The following CMIP variants were observed in gnomAD, a reference collection of about 807,000 sequenced individuals.
CMIP encodes c-Maf inducing protein.
CMIP carries 13 observed loss-of-function variants against 97.3 expected under a neutral mutation model. The ratio of observed to expected loss-of-function variants is 0.13; its 90% CI spans 0.09 to 0.21. The LOEUF (loss-of-function observed/expected upper bound fraction) is 0.21. Among genes scored for constraint, CMIP ranks in the 10% least tolerant of loss-of-function variants. The pLI is 1.00. For missense variants in CMIP, 847 were observed against 1,024.9 expected (o/e 0.83, Z 2.37); for synonymous variants, 538 against 436.3 (o/e 1.23, Z -2.91).
intron 1 of CMIP, among the ~76,000 whole-genome samples, chr16:81,548,332 T>A (rs1347519925): frequency 2.0e-5 from 3 of 151,972 alleles, no homozygotes; most frequent in African/African-American, 7.3e-5. Context: ...TGGGGTCTCG[T>A]TTTGTTGTTC....
Position 81,541,841 on chromosome 16 carries a change from C to T in CMIP, c.301-65726C>T, listed in dbSNP as rs557232888. Among the ~76,000 whole-genome samples, 13 of 152,240 alleles carry T rather than the reference C, an allele frequency of 8.5e-5. 1 individual carries two copies. The highest frequency in any genetic ancestry group is 6.2e-4 in the South Asian group (3 of 4,828). On this transcript the variant is annotated intron_variant, in intron 1 of 20. Transcript: ENST00000537098. Reference sequence around the variant, plus strand: ...GTTTATGTGAAAACGACCCAGAGGCCGTCTGCAAAGGGAAAGCCTCATCTC... The same window carrying T: ...GTTTATGTGAAAACGACCCAGAGGCTGTCTGCAAAGGGAAAGCCTCATCTC...
In CMIP at chr16:81,614,774, G is replaced by GGTGTGTGTA. The variant is rs2091886074; in HGVS notation, c.427-6100_427-6099insGTGTGTAGT. On this transcript the variant is annotated intron_variant, in intron 2 of 20. Transcript: ENST00000537098. The surrounding 1 kb of genome is among the most constrained non-coding windows in gnomAD (Gnocchi z 5.3). ...ATGTGTCTATGTCTGTGGTGTGTGTGGTATGTGTGCATGTGTGTGCCTGAT... is the reference window on the plus strand; with the variant it reads ...ATGTGTCTATGTCTGTGGTGTGTGTGGTGTGTGTAGTATGTGTGCATGTGTGTGCCTGAT... 6.6e-6 allele frequency among the ~76,000 whole-genome samples: 1 copy of GGTGTGTGTA among 151,778 alleles called. No homozygotes were observed. Among genetic ancestry groups the GGTGTGTGTA allele is most frequent in the South Asian group, 2.1e-4 (1 of 4,812 alleles).
intron 1 of CMIP, among the ~76,000 whole-genome samples, chr16:81,570,912 C>T (rs749115935): frequency 2.6e-5 from 4 of 151,870 alleles, no homozygotes; most frequent in Admixed American, 1.3e-4. Flanking sequence ...GAGGAGCCTG[C>T]GGACACGTGA....
intron 1 of CMIP, among the ~76,000 whole-genome samples, chr16:81,557,347 C>T (rs760613236): frequency 3.8e-5 from 5 of 130,200 alleles, no homozygotes; most frequent in South Asian, 2.5e-4. Flanking sequence ...GTTGAATTTA[C>T]TGATGTTGGT....
intron 1 of CMIP, among the ~76,000 whole-genome samples, chr16:81,582,339 C>T (rs2091310222): frequency 1.3e-5 from 2 of 152,150 alleles, no homozygotes; most frequent in Non-Finnish European, 2.9e-5. Flanking sequence ...AGGGTGTCCC[C>T]AGTCTCCTTG....
chr16:81,568,146 G>T (rs2530), intron 1 of CMIP, among the ~76,000 whole-genome samples: 1 of 150,674 alleles, frequency 6.6e-6, no homozygotes, highest in Non-Finnish European at 1.5e-5. Flanking sequence ...TTGCCTTCTA[G>T]GGCACCTTTG....
At chr16:81,510,778 G>A (rs2089795975) in intron 1 of CMIP, among the ~76,000 whole-genome samples, 1 of 152,040 alleles carries the variant, frequency 6.6e-6, no homozygotes, top group South Asian at 2.1e-4. Flanking sequence ...GGAGTGCAGT[G>A]GTGAGATCTC....
chr16:81,635,930 T>A (rs2092228773), intron 3 of CMIP, among the ~76,000 whole-genome samples: 1 of 151,996 alleles, frequency 6.6e-6, no homozygotes, highest in Non-Finnish European at 1.5e-5. Flanking sequence ...AGTCTCAAAT[T>A]TTCGGGGTTT....
chr16:81,693,231 TC>T, intron 12 of CMIP, 47 bp downstream of exon 12: 1 of 1,580,470 alleles, frequency 6.3e-7, no homozygotes, highest in Non-Finnish European at 8.7e-7. Context: ...ACGCACGGCC[TC>T]TGTCCTGAGG....
At chr16:81,555,559 C>A (rs1381956597) in intron 1 of CMIP, among the ~76,000 whole-genome samples, 3 of 152,240 alleles carry the variant, frequency 2.0e-5, no homozygotes, top group Admixed American at 1.3e-4. Context: ...TGTCCGCTCC[C>A]TGTCCAAGAG....
At position 81,678,272 on chromosome 16, in the gene CMIP, C is replaced by G. The variant is rs1344369627; in HGVS notation, c.1035-3C>G. 1.4e-5 allele frequency: 22 copies of G among 1,581,764 alleles called. No individual in the cohort carries two copies. In the East Asian group the frequency reaches 1.6e-4, roughly 11 times the overall value. ...ATGTGCCCTCTCCCGCCTCTTCCCC[C>G]AGCCGCGACAATTCCCCAAGCCTGA... is the stretch of plus-strand genomic sequence containing the variant. On this transcript the variant is annotated splice_polypyrimidine_tract_variant and splice_region_variant and intron_variant, in intron 9 of 20. Coordinates refer to ENST00000537098, the MANE Select transcript of CMIP (RefSeq NM_198390.3).
At chr16:81,460,357 C>A (rs1045338387) in intron 1 of CMIP, among the ~76,000 whole-genome samples, 1 of 152,160 alleles carries the variant, frequency 6.6e-6, no homozygotes, top group Non-Finnish European at 1.5e-5. Flanking sequence ...CTCAGCCACT[C>A]CTGCAGTCAT....
At chr16:81,590,969 G>T (rs904102278) in intron 1 of CMIP, among the ~76,000 whole-genome samples, 1 of 152,168 alleles carries the variant, frequency 6.6e-6, no homozygotes, top group Non-Finnish European at 1.5e-5. Context: ...GATCATTTGT[G>T]TATTGTCTGT....
At chr16:81,645,718 T>G (rs2092357052) in intron 3 of CMIP, 1 of 1,196,386 alleles carries the variant, frequency 8.4e-7, no homozygotes, top group Non-Finnish European at 1.2e-6. Flanking sequence ...TGGTGGGGCT[T>G]GGGCTCGGAT....
chr16:81,569,563 AG>A (rs1346113235), intron 1 of CMIP, among the ~76,000 whole-genome samples: 1 of 152,180 alleles, frequency 6.6e-6, no homozygotes, highest in Non-Finnish European at 1.5e-5. Context: ...CCTGCCAAGG[AG>A]GCAAGCGGGC....
intron 1 of CMIP, among the ~76,000 whole-genome samples, chr16:81,497,729 C>G (rs921838776): frequency 6.6e-6 from 1 of 152,252 alleles, no homozygotes. Flanking sequence ...GTGCTAAAGG[C>G]TCAGTGGCCT....
chr16:81,560,213 GTTTTGTTTTGTTTTTTTTT>G (rs2090852532), intron 1 of CMIP, among the ~76,000 whole-genome samples: 1 of 107,802 alleles, frequency 9.3e-6, no homozygotes, highest in Non-Finnish European at 2.2e-5. Context: ...TTTTGTTTTT[GTTTTGTTTTGTTTTTTTTT>G]TTTTGAGACA....
intron 1 of CMIP, among the ~76,000 whole-genome samples, chr16:81,484,163 C>CA (rs2089276736): frequency 6.6e-6 from 1 of 152,074 alleles, no homozygotes; most frequent in African/African-American, 2.4e-5. Flanking sequence ...AACTCCAGGT[C>CA]AGCTCAGGGG....
intron 1 of CMIP, among the ~76,000 whole-genome samples, chr16:81,604,479 C>G (rs1415324567): frequency 6.6e-6 from 1 of 150,536 alleles, no homozygotes; most frequent in Non-Finnish European, 1.5e-5. Context: ...GCAGGTGGAT[C>G]ACAAGGTCAG....
Sources: allele counts gnomAD v4.1 joint callset (sites outside exome capture counted in the v4.1 genomes callset), GRCh38; gene constraint gnomAD v4.1.1; non-coding constraint Gnocchi (gnomAD v3.1); transcripts MANE v1.5; gene names NCBI Gene and HGNC (gene_info 2026-07-23, HGNC 2026-07-21).